Variants in RADX observed in about 807,000 individuals in gnomAD.
RADX encodes the protein RPA1 related single stranded DNA binding protein, X-linked.
Under a neutral mutation model 61.6 loss-of-function variants are expected in RADX, and 36 were observed. That is an observed-to-expected ratio of 0.58 (90% confidence interval 0.45 to 0.77). RADX has a LOEUF of 0.77. RADX is among the 30% of genes least tolerant of loss of function. The probability of loss-of-function intolerance (pLI) is 0.00; values close to 1 mark genes in which losing one functional copy is unlikely to be tolerated. For synonymous variants in RADX, 272 were observed against 237.9 expected (o/e 1.14, Z -1.32); for missense variants, 497 against 651.1 (o/e 0.76, Z 2.58).
intron 13 of RADX, among the ~76,000 whole-genome samples, chrX:106,675,576 A>G (rs1455636508): frequency 8.9e-6 from 1 of 112,227 alleles, no homozygotes; most frequent in Non-Finnish European, 1.9e-5. Flanking sequence ...GCAAGAACTA[A>G]GTTACATGAT....
At chrX:106,646,374 A>T (rs186745477) in intron 10 of RADX, among the ~76,000 whole-genome samples, 2 of 111,023 alleles carry the variant, frequency 1.8e-5, no homozygotes, top group Admixed American at 9.6e-5. Context: ...AATTCATACA[A>T]TGAAGTCCTA....
intron 11 of RADX, among the ~76,000 whole-genome samples, chrX:106,661,386 GT>G (rs1418683592): frequency 1.1e-5 from 1 of 92,095 alleles, no homozygotes; most frequent in South Asian, 4.7e-4. Context: ...TTTTTTTTTG[GT>G]TTTTTTGTTT....
At chrX:106,629,999 G>T (rs1927174453) in intron 3 of RADX, among the ~76,000 whole-genome samples, 1 of 111,582 alleles carries the variant, frequency 9.0e-6, no homozygotes, top group Admixed American at 9.5e-5. Flanking sequence ...ATTTAAAAAA[G>T]AAAATAGCAA....
intron 11 of RADX, among the ~76,000 whole-genome samples, chrX:106,649,310 C>T (rs1423289228): frequency 9.0e-6 from 1 of 111,333 alleles, no homozygotes; most frequent in Non-Finnish European, 1.9e-5. Flanking sequence ...AAAAAATGTT[C>T]CTCAGGCAAT....
In RADX at chrX:106,678,169, A is replaced by G; in HGVS notation, c.2479A>G (p.Ile827Val). The part of the protein sequence containing the change: ...KAATELDRVH[I>V]VGILDICNLG... The stretch of plus-strand genomic sequence containing the variant: ...AGCAACTGAACTGGATAGAGTGCAT[A>G]TCGTCGGTATCTTGGATATCTGTAA... Residue 827 changes from isoleucine to valine, a missense_variant, in exon 14 of 14, where the codon ATC becomes GTC. Physicochemically the swap from Ile to Val is conservative, Grantham distance 29 (BLOSUM62 3). Coordinates refer to ENST00000372548, the MANE Select transcript of RADX (RefSeq NM_018015.6). 2 of 1,174,419 alleles carry G rather than the reference A, an allele frequency of 1.7e-6. No individual in the cohort carries two copies. Among genetic ancestry groups the G allele is most frequent in the Non-Finnish European group, 2.3e-6 (2 of 861,826 alleles).
intron 10 of RADX, among the ~76,000 whole-genome samples, chrX:106,641,183 A>G (rs1927504479): frequency 9.1e-6 from 1 of 110,222 alleles, no homozygotes; most frequent in Non-Finnish European, 1.9e-5. Context: ...CTATGACCCT[A>G]TTTCCAAATA....
chrX:106,622,047 C>T (rs1466295051), intron 1 of RADX, among the ~76,000 whole-genome samples: 2 of 108,109 alleles, frequency 1.8e-5, no homozygotes, highest in Non-Finnish European at 3.8e-5. Context: ...GGTGATCCTC[C>T]CACTTCAGCC....
At chrX:106,635,482 T>C (rs755873634) in intron 6 of RADX, among the ~76,000 whole-genome samples, 1 of 111,970 alleles carries the variant, frequency 8.9e-6, no homozygotes, top group South Asian at 3.7e-4. Flanking sequence ...TTCTTTAATA[T>C]TCCTGTATCA....
At chrX:106,666,047 A>T (rs1290032459) in intron 12 of RADX, among the ~76,000 whole-genome samples, 34 of 111,666 alleles carry the variant, frequency 3.0e-4, no homozygotes. Context: ...AAGATCACAC[A>T]CTTTAAATAG....
At chrX:106,643,763 T>C (rs185108549) in intron 10 of RADX, among the ~76,000 whole-genome samples, 1 of 111,745 alleles carries the variant, frequency 8.9e-6, no homozygotes, top group East Asian at 2.8e-4. Flanking sequence ...CTATTCTGGG[T>C]CTTTTGTGGG....
chrX:106,646,736 G>A (rs746880808), intron 10 of RADX, among the ~76,000 whole-genome samples: 1 of 111,271 alleles, frequency 9.0e-6, no homozygotes, highest in Non-Finnish European at 1.9e-5. Context: ...AGCACCATGG[G>A]ACTAATAAAA....
At position 106,671,908 on chromosome X, in the gene RADX, A is replaced by G. The variant is rs142141263; in HGVS notation, c.2437+2578A>G. On this transcript the variant is annotated intron_variant, in intron 13 of 13. Transcript: ENST00000372548. Reference sequence around the variant, plus strand: ...AAATTAACCTTTTATCATGTGTTACAAAGATTTTTACCCAGTTTGACATTG... The same window carrying G: ...AAATTAACCTTTTATCATGTGTTACGAAGATTTTTACCCAGTTTGACATTG... 1.5e-4 allele frequency among the ~76,000 whole-genome samples: 17 copies of G among 111,522 alleles called. 1 individual carries two copies. The East Asian group carries it at 4.8e-3, about 31-fold the overall frequency.
chrX:106,618,570 C>G (rs1409231626), intron 1 of RADX, among the ~76,000 whole-genome samples: 1 of 110,989 alleles, frequency 9.0e-6, no homozygotes, highest in African/African-American at 3.3e-5. Flanking sequence ...AGTTCAGAGT[C>G]CATGTTGAGA....
chrX:106,640,613 A>T lies in RADX; in HGVS notation c.1796A>T (p.Lys599Ile). ...GTAGAAATTCAAGAAAGAAATGGTAAACGGCATCAAGATGATGAGCCTGTG... is the reference window on the plus strand; with the variant it reads ...GTAGAAATTCAAGAAAGAAATGGTATACGGCATCAAGATGATGAGCCTGTG... ...ARVEIQERNG[K>I]RHQDDEPVNS... Residue 599 changes from lysine (K) to isoleucine (I), a missense_variant, in exon 10 of 14, where the codon AAA (lysine) becomes ATA (isoleucine). By Grantham distance (102) the Lys-to-Ile change is moderately radical. This residue lies in a region of RADX where 267 missense variants were observed against 306.9 expected (regional missense o/e 0.87). Transcript: ENST00000372548. 6 of 1,199,366 alleles carry T rather than the reference A, an allele frequency of 5.0e-6. No homozygotes were observed. The highest frequency in any genetic ancestry group is 6.8e-6 in the Non-Finnish European group (6 of 885,731).
chrX:106,612,069 A>C lies in RADX; in HGVS notation c.-12A>C. 1 of 1,196,717 alleles carries C rather than the reference A, an allele frequency of 8.4e-7. No homozygotes were observed. Among genetic ancestry groups the C allele is most frequent in the Non-Finnish European group, 1.1e-6 (1 of 888,414 alleles). ...GCTTTTGGGAGTGAAGCGGGTACGCAGTTATCCAACAATGTCTGGTGAGTC... is the reference window on the plus strand; with the variant it reads ...GCTTTTGGGAGTGAAGCGGGTACGCCGTTATCCAACAATGTCTGGTGAGTC... On this transcript the variant is annotated 5_prime_UTR_variant, in exon 1 of 14. Transcript: ENST00000372548.
chrX:106,655,465 A>G (rs1470385516), intron 11 of RADX, among the ~76,000 whole-genome samples: 1 of 108,745 alleles, frequency 9.2e-6, no homozygotes, highest in Non-Finnish European at 1.9e-5. Context: ...TACATTAGGT[A>G]TATCTCCTAA....
At chrX:106,662,368 C>A in intron 12 of RADX, 63 bp downstream of exon 12, 1 of 1,037,210 alleles carries the variant, frequency 9.6e-7, no homozygotes, top group Non-Finnish European at 1.3e-6. Context: ...CCTACTATTT[C>A]GCTTTAAAAA....
chrX:106,672,854 TC>T (rs1470659039), intron 13 of RADX, among the ~76,000 whole-genome samples: 1 of 111,634 alleles, frequency 9.0e-6, no homozygotes, highest in Non-Finnish European at 1.9e-5. Context: ...ACACAGTCCC[TC>T]CCCCTCTTTG....
At chrX:106,650,231 G>T (rs1285906330) in intron 11 of RADX, among the ~76,000 whole-genome samples, 11 of 111,172 alleles carry the variant, frequency 9.9e-5, no homozygotes, top group Non-Finnish European at 1.9e-4. Flanking sequence ...GACCTGTGCA[G>T]CATGGAAGTA....
Sources: allele counts gnomAD v4.1 joint callset (sites outside exome capture counted in the v4.1 genomes callset), GRCh38; gene constraint gnomAD v4.1.1; regional missense constraint gnomAD v4.1.1; transcripts MANE v1.5; gene names NCBI Gene and HGNC (gene_info 2026-07-23, HGNC 2026-07-21).